CYTH1: variants seen among roughly 807,000 people sequenced by gnomAD.
CYTH1 encodes the protein cytohesin 1.
A neutral mutation model predicts 61.8 loss-of-function variants in CYTH1; 18 were observed. The ratio of observed to expected loss-of-function variants is 0.29; its 90% CI spans 0.20 to 0.43. The LOEUF (loss-of-function observed/expected upper bound fraction) is 0.43, where lower values mean the gene tolerates loss of function less well. Ranked by LOEUF, CYTH1 falls within the 20% of genes least tolerant of loss-of-function variation. The pLI, the probability that CYTH1 is intolerant of heterozygous loss-of-function variation, is 1.00. For missense variants in CYTH1, 336 were observed against 510.5 expected (o/e 0.66, Z 3.29); for synonymous variants, 174 against 184.3 (o/e 0.94, Z 0.45).
intron 1 of CYTH1, among the ~76,000 whole-genome samples, chr17:78,768,312 C>T (rs2144742316): frequency 6.6e-6 from 1 of 152,260 alleles, no homozygotes; most frequent in Admixed American, 6.5e-5. Flanking sequence ...CATCCTTGGA[C>T]TCCTCAATCA....
intron 12 of CYTH1, 118 bp downstream of exon 12, chr17:78,680,853 T>TA: frequency 1.0e-6 from 1 of 977,056 alleles, no homozygotes; most frequent in Non-Finnish European, 1.6e-6. Context: ...AATAAAAAAT[T>TA]AGACTAAATA....
chr17:78,727,737 T>TA (rs2093274007), intron 1 of CYTH1: 1 of 470,926 alleles, frequency 2.1e-6, no homozygotes, highest in South Asian at 1.5e-5. Flanking sequence ...CTCAGTGTGT[T>TA]AGGAGGGCAG....
At chr17:78,771,625 G>A (rs1278540822) in intron 1 of CYTH1, among the ~76,000 whole-genome samples, 1 of 151,958 alleles carries the variant, frequency 6.6e-6, no homozygotes, top group African/African-American at 2.4e-5. Context: ...CAGCTACTTG[G>A]GAGGCTGAGG....
At chr17:78,711,261 CAAAT>C (rs547065237) in intron 1 of CYTH1, among the ~76,000 whole-genome samples, 2,542 of 141,456 alleles carry the variant, frequency 0.018, 54 homozygotes, top group African/African-American at 0.046. Flanking sequence ...GACTCCATCT[CAAAT>C]AAATAAATAA....
chr17:78,780,884 G>A (rs1245659398), intron 1 of CYTH1, among the ~76,000 whole-genome samples: 1 of 152,092 alleles, frequency 6.6e-6, no homozygotes, highest in Non-Finnish European at 1.5e-5. Context: ...GCACGCGCCT[G>A]TAGTCCCAGC....
At chr17:78,769,725 C>T (rs2093462925) in intron 1 of CYTH1, among the ~76,000 whole-genome samples, 1 of 152,190 alleles carries the variant, frequency 6.6e-6, no homozygotes, top group African/African-American at 2.4e-5. Flanking sequence ...CTCATAGAAA[C>T]CAATCTGCGA....
intron 1 of CYTH1, among the ~76,000 whole-genome samples, chr17:78,721,681 C>G (rs2093230071): frequency 6.6e-6 from 1 of 152,214 alleles, no homozygotes; most frequent in Admixed American, 6.5e-5. Context: ...AAACAATCAC[C>G]TCTTCCAGCC....
rs11867199 is a variant in CYTH1, at chr17:78,706,758, T to C, written c.170+1439A>G. Among the ~76,000 whole-genome samples, 432 of 152,374 alleles carry C rather than the reference T, an allele frequency of 2.8e-3. 2 individuals carry two copies. The highest frequency in any genetic ancestry group is 9.9e-3 in the African/African-American group (410 of 41,586). On this transcript the variant is annotated intron_variant, in intron 3 of 13. Coordinates refer to ENST00000446868, the MANE Select transcript of CYTH1 (RefSeq NM_004762.6). The stretch of plus-strand genomic sequence containing the variant: ...TCAGTCTTTTTAATTCTAGCCATCA[T>C]AGGGGATGTGAAGTACCGTTTCATG...
chr17:78,739,268 G>A (rs957853272), intron 1 of CYTH1, among the ~76,000 whole-genome samples: 7 of 152,014 alleles, frequency 4.6e-5, no homozygotes, highest in South Asian at 2.1e-4. Flanking sequence ...TATCTGTTTC[G>A]TTCAACATTC....
chr17:78,720,249 A>G (rs2093216547), intron 1 of CYTH1, among the ~76,000 whole-genome samples: 1 of 152,170 alleles, frequency 6.6e-6, no homozygotes, highest in African/African-American at 2.4e-5. Context: ...TATGTATTTT[A>G]CCACCATTAA....
intron 1 of CYTH1, among the ~76,000 whole-genome samples, chr17:78,769,498 C>A (rs549389086): frequency 1.3e-5 from 2 of 152,282 alleles, no homozygotes; most frequent in South Asian, 4.1e-4. Context: ...CCTGGCCAAT[C>A]CAGTGCCATC....
chr17:78,724,512 C>T lies in CYTH1; in HGVS notation c.23-14780G>A, dbSNP rs186993415. ...CTGTGCCTTGCAGGGTGCTTAGCTG[C>T]GTCCCTGGCCTCTACCCACTAGGTG... On this transcript the variant is annotated intron_variant, in intron 1 of 13. Transcript: ENST00000446868. Among the ~76,000 whole-genome samples, 703 of 152,256 alleles carry T rather than the reference C, an allele frequency of 4.6e-3. 4 individuals carry two copies. The highest frequency in any genetic ancestry group is 0.016 in the African/African-American group (655 of 41,532).
intron 1 of CYTH1, among the ~76,000 whole-genome samples, chr17:78,778,376 G>A (rs1211376083): frequency 1.3e-5 from 2 of 149,638 alleles, no homozygotes; most frequent in South Asian, 2.1e-4. Context: ...GGTGGCTCAC[G>A]CCTGTAATCC....
chr17:78,781,882 C>G (rs1021721060), intron 1 of CYTH1, among the ~76,000 whole-genome samples: 13 of 151,516 alleles, frequency 8.6e-5, no homozygotes, highest in African/African-American at 3.2e-4. Flanking sequence ...GCGACCCCAA[C>G]GACCCTCATT....
At chr17:78,713,086 A>AT (rs1567853669) in intron 1 of CYTH1, among the ~76,000 whole-genome samples, 1 of 150,414 alleles carries the variant, frequency 6.6e-6, no homozygotes, top group African/African-American at 2.4e-5. Flanking sequence ...AACATTAAAA[A>AT]ATATATATAT....
intron 1 of CYTH1, 45 bp downstream of exon 1, chr17:78,782,157 T>C: frequency 2.2e-6 from 3 of 1,336,222 alleles, no homozygotes; most frequent in Non-Finnish European, 9.7e-7. Flanking sequence ...CGGAGGGGAC[T>C]GGGGGACAGC....
At chr17:78,768,356 C>T (rs985598229) in intron 1 of CYTH1, among the ~76,000 whole-genome samples, 2 of 152,164 alleles carry the variant, frequency 1.3e-5, no homozygotes, top group African/African-American at 4.8e-5. Context: ...GGGTTCCACT[C>T]CCACTCCTGC....
Position 78,749,037 on chromosome 17 carries a change from A to C in CYTH1, c.22+33165T>G, listed in dbSNP as rs367649463. Among the ~76,000 whole-genome samples the C allele has an allele frequency of 7.9e-5, 12 of 152,360 alleles. 4 individuals carry two copies. Among genetic ancestry groups the C allele is most frequent in the Admixed American group, 6.5e-5 (1 of 15,300 alleles). On this transcript the variant is annotated intron_variant, in intron 1 of 13. Coordinates refer to ENST00000446868, the MANE Select transcript of CYTH1 (RefSeq NM_004762.6). ...AACACACCCACATACTGTGTGAGGC[A>C]GAGCAAAGGTGGCAGCAGTAAGACC...
At chr17:78,751,347 C>CT (rs2093379498) in intron 1 of CYTH1, among the ~76,000 whole-genome samples, 1 of 152,078 alleles carries the variant, frequency 6.6e-6, no homozygotes, top group Non-Finnish European at 1.5e-5. Context: ...CAAAGCTTCG[C>CT]TAACATACTA....
Sources: gnomAD v4.1 joint callset for allele counts (sites outside exome capture counted in the v4.1 genomes callset) on GRCh38, gnomAD v4.1.1 for gene constraint, MANE v1.5 for transcripts, NCBI Gene and HGNC (gene_info 2026-07-23, HGNC 2026-07-21) for gene names.